Variants in MAP3K3 observed in about 807,000 individuals in gnomAD.
MAP3K3 encodes MAP/ERK kinase kinase 3.
A neutral mutation model predicts 80.9 loss-of-function variants in MAP3K3; 12 were observed. That is an observed-to-expected ratio of 0.15 (90% confidence interval 0.10 to 0.24). The LOEUF (loss-of-function observed/expected upper bound fraction) is 0.24, where lower values mean the gene tolerates loss of function less well. Among genes scored for constraint, MAP3K3 ranks in the 10% least tolerant of loss-of-function variants. The probability of loss-of-function intolerance (pLI) is 1.00; values close to 1 mark genes in which losing one functional copy is unlikely to be tolerated. For missense variants in MAP3K3, 596 were observed against 834.7 expected (o/e 0.71, Z 3.52); for synonymous variants, 272 against 307.1 (o/e 0.89, Z 1.19).
intron 3 of MAP3K3, 34 bp from the exon 4 acceptor site, chr17:63,652,523 C>G: frequency 2.1e-6 from 3 of 1,440,650 alleles, no homozygotes; most frequent in Non-Finnish European, 2.9e-6. Context: ...TTTAAGTATA[C>G]AATTAACCAA....
At chr17:63,642,161 G>A (rs994699944) in intron 2 of MAP3K3, among the ~76,000 whole-genome samples, 1 of 152,188 alleles carries the variant, frequency 6.6e-6, no homozygotes, top group Non-Finnish European at 1.5e-5. Flanking sequence ...CATCAAAGAA[G>A]CATCTTTGTT....
At chr17:63,668,892 T>G in intron 6 of MAP3K3, among the ~76,000 whole-genome samples, 1 of 152,172 alleles carries the variant, frequency 6.6e-6, no homozygotes, top group Non-Finnish European at 1.5e-5. Flanking sequence ...CAAGGGTGGC[T>G]GGAGCAGATT....
chr17:63,682,240 A>G (rs1170635595), intron 7 of MAP3K3: 3 of 185,880 alleles, frequency 1.6e-5, no homozygotes, highest in Non-Finnish European at 3.3e-5. Context: ...GACTGGTTCT[A>G]AAGTGACAGG....
At chr17:63,626,071 G>GTC (rs2034095709) in intron 1 of MAP3K3, among the ~76,000 whole-genome samples, 1 of 152,152 alleles carries the variant, frequency 6.6e-6, no homozygotes, top group Non-Finnish European at 1.5e-5. Flanking sequence ...GAGAGACCCT[G>GTC]TCTCTAAAAC....
chr17:63,689,570 C>T lies in MAP3K3; in HGVS notation c.898C>T (p.Arg300Cys), dbSNP rs747700437. ...DGRRTFPRIR[R>C]HQGNLFTLVP... The stretch of plus-strand genomic sequence containing the variant: ...CAGAAGAACATTTCCCCGAATACGG[C>T]GTCATCAAGGCAACTTGTTCACCCT... Residue 300 changes from arginine to cysteine, a missense_variant, in exon 11 of 16, where the codon CGT becomes TGT. Physicochemically the swap from Arg to Cys is radical, Grantham distance 180. Transcript: ENST00000361733. The surrounding 1 kb of genome is among the most constrained non-coding windows in gnomAD (Gnocchi z 4.3). 32 of 1,613,412 alleles carry T rather than the reference C, an allele frequency of 2.0e-5. No homozygotes were observed. In the Middle Eastern group the frequency reaches 6.6e-4, roughly 33 times the overall value.
intron 8 of MAP3K3, among the ~76,000 whole-genome samples, chr17:63,685,964 AT>A (rs1455731768): frequency 6.6e-6 from 1 of 152,128 alleles, no homozygotes; most frequent in Non-Finnish European, 1.5e-5. Context: ...CTTTACCATC[AT>A]TTTTTATTCC....
chr17:63,658,147 G>A (rs1211712418), intron 5 of MAP3K3, among the ~76,000 whole-genome samples: 2 of 152,170 alleles, frequency 1.3e-5, no homozygotes, highest in African/African-American at 4.8e-5. Flanking sequence ...GAGGGAGGAA[G>A]GAAAATACTT....
At chr17:63,675,430 G>C (rs750786564) in intron 6 of MAP3K3, among the ~76,000 whole-genome samples, 20 of 152,316 alleles carry the variant, frequency 1.3e-4, no homozygotes, top group Non-Finnish European at 1.3e-4. Context: ...CTTCCTGACT[G>C]CATCAGCTTC....
chr17:63,681,481 T>G (rs1486246468), intron 6 of MAP3K3, among the ~76,000 whole-genome samples: 1 of 152,244 alleles, frequency 6.6e-6, no homozygotes, highest in Non-Finnish European at 1.5e-5. Context: ...AAAGCTAGTC[T>G]GATTGCCAGC....
intron 4 of MAP3K3, among the ~76,000 whole-genome samples, chr17:63,654,434 G>A (rs982304507): frequency 1.3e-5 from 2 of 151,976 alleles, no homozygotes; most frequent in African/African-American, 2.4e-5. Context: ...TTCCATTTAT[G>A]GATATACCAC....
chr17:63,625,496 C>T (rs2034082176), intron 1 of MAP3K3, among the ~76,000 whole-genome samples: 1 of 152,114 alleles, frequency 6.6e-6, no homozygotes, highest in South Asian at 2.1e-4. Context: ...GGAAATGCTA[C>T]AGGAAACTAT....
At position 63,667,038 on chromosome 17, in the gene MAP3K3, C is replaced by T. The variant is rs780212319; in HGVS notation, c.480C>T (p.Pro160=). ...ATACTATCTACCAGCCCCCCGAGCC[C>T]AGAAGCAGGCACCTCTCTGTCAGTG... is the stretch of plus-strand genomic sequence containing the variant. The part of the protein sequence containing the change: ...DINTIYQPPE[P]RSRHLSVSSQ... The change falls in exon 6 of 16, where the codon CCC becomes CCT. Residue 160 remains proline (P), a synonymous_variant. Coordinates refer to ENST00000361733, the MANE Select transcript of MAP3K3 (RefSeq NM_002401.5). The T allele has an allele frequency of 9.9e-6, 16 of 1,610,000 alleles. No homozygotes were observed. The highest frequency in any genetic ancestry group is 1.4e-5 in the Non-Finnish European group (16 of 1,179,138).
Position 63,692,100 on chromosome 17 carries a change from A to T in MAP3K3, c.1475-142A>T. 1 of 1,026,852 alleles carries T rather than the reference A, an allele frequency of 9.7e-7. No individual in the cohort carries two copies. Among genetic ancestry groups the T allele is most frequent in the Non-Finnish European group, 1.4e-6 (1 of 695,184 alleles). 63.6% of individuals were successfully genotyped at this position (1,026,852 alleles called of 1,614,324 possible). A position where few individuals can be genotyped will look rare whatever the true frequency, so the allele number is the denominator to read the frequency against. On this transcript the variant is annotated intron_variant, in intron 14 of 15. Transcript: ENST00000361733. The surrounding 1 kb of genome is among the most constrained non-coding windows in gnomAD (Gnocchi z 4.5). ...GGTAGATCTGAGACTCCCCTTTGCT[A>T]AATCCTTTGCCCTTTGCAGTTCATG...
intron 6 of MAP3K3, among the ~76,000 whole-genome samples, chr17:63,681,185 G>A (rs2035326395): frequency 6.6e-6 from 1 of 151,492 alleles, no homozygotes; most frequent in Non-Finnish European, 1.5e-5. Flanking sequence ...GAATGGAGAA[G>A]CCTGCCTTTT....
intron 1 of MAP3K3, among the ~76,000 whole-genome samples, chr17:63,624,525 G>A (rs2034060926): frequency 6.6e-6 from 1 of 152,318 alleles, no homozygotes; most frequent in South Asian, 2.1e-4. Flanking sequence ...ATAAGTGTGT[G>A]AGTATATGGA....
chr17:63,653,250 G>A (rs1181741074), intron 4 of MAP3K3, among the ~76,000 whole-genome samples: 4 of 152,194 alleles, frequency 2.6e-5, no homozygotes, highest in Non-Finnish European at 5.9e-5. Flanking sequence ...TTTCTGGGCT[G>A]CTTTCCCAGC....
chr17:63,634,727 A>C (rs541253213), intron 2 of MAP3K3: 1 of 1,613,396 alleles, frequency 6.2e-7, no homozygotes, highest in Non-Finnish European at 8.5e-7. Context: ...CAACAGCAGC[A>C]GCTCAGCCCT....
intron 6 of MAP3K3, among the ~76,000 whole-genome samples, chr17:63,671,275 G>C (rs983595913): frequency 1.3e-5 from 1 of 74,298 alleles, no homozygotes; most frequent in Non-Finnish European, 2.8e-5. Context: ...TTTTTTTTTT[G>C]TGACGGAGTC....
intron 7 of MAP3K3, chr17:63,682,196 A>G (rs376662686): frequency 2.6e-4 from 62 of 242,590 alleles, no homozygotes; most frequent in Non-Finnish European, 3.6e-4. Context: ...AGGCACCACC[A>G]CGCCCAGCTC....
Sources: allele counts gnomAD v4.1 joint callset (sites outside exome capture counted in the v4.1 genomes callset), GRCh38; gene constraint gnomAD v4.1.1; non-coding constraint Gnocchi (gnomAD v3.1); transcripts MANE v1.5; gene names NCBI Gene and HGNC (gene_info 2026-07-23, HGNC 2026-07-21).